The following RARB variants were observed in gnomAD, a reference collection of about 807,000 sequenced individuals.
RARB encodes the protein HBV-activated protein.
A neutral mutation model predicts 51.9 loss-of-function variants in RARB; 17 were observed. The ratio of observed to expected loss-of-function variants is 0.33; its 90% CI spans 0.22 to 0.49. RARB has a LOEUF of 0.49. Ranked by LOEUF, RARB falls within the 20% of genes least tolerant of loss-of-function variation. The probability of loss-of-function intolerance (pLI) is 0.99; values close to 1 mark genes in which losing one functional copy is unlikely to be tolerated. For synonymous variants in RARB, 215 were observed against 195.4 expected (o/e 1.10, Z -0.84); for missense variants, 369 against 550.8 (o/e 0.67, Z 3.30).
intron 2 of RARB, among the ~76,000 whole-genome samples, chr3:25,039,186 T>G (rs1376390234): frequency 1.3e-5 from 2 of 152,194 alleles, no homozygotes; most frequent in Admixed American, 1.3e-4. Context: ...ACACTCTGCA[T>G]TTGATTAGAG....
At chr3:24,873,792 T>C (rs9854078) in intron 2 of RARB, among the ~76,000 whole-genome samples, 111,467 of 151,720 alleles carry the variant, frequency 0.73, 42,005 homozygotes, top group African/African-American at 0.89. Context: ...ATTTTTATAT[T>C]TTTGATACCT....
intron 2 of RARB, among the ~76,000 whole-genome samples, chr3:24,865,179 T>C (rs1221726733): frequency 1.3e-5 from 2 of 152,194 alleles, no homozygotes; most frequent in Non-Finnish European, 2.9e-5. Context: ...CACAGTATTA[T>C]ATGCATGAAC....
chr3:24,853,271 C>A (rs1416929747), intron 1 of RARB, among the ~76,000 whole-genome samples: 1 of 152,054 alleles, frequency 6.6e-6, no homozygotes, highest in East Asian at 1.9e-4. Flanking sequence ...GAGCCCAGAT[C>A]GCGCCACTGC....
chr3:25,594,605 A>G lies in RARB; in HGVS notation c.1077A>G (p.Arg359=), dbSNP rs1260594651. 5.0e-6 allele frequency: 8 copies of G among 1,613,782 alleles called. No individual in the cohort carries two copies. The highest frequency in any genetic ancestry group is 1.3e-5 in the African/African-American group (1 of 74,892). The change falls in exon 7 of 8, where the codon AGA becomes AGG. Residue 359 remains arginine, a synonymous_variant. Transcript: ENST00000330688. ...CACTAAAAATTTATATCAGAAAAAG[A>G]CGACCCAGCAAGCCTCACATGTTTC... is the stretch of plus-strand genomic sequence containing the variant. The part of the protein sequence containing the change: ...LEALKIYIRK[R]RPSKPHMFPK...
At chr3:25,211,150 T>C (rs1436244) in intron 5 of RARB, among the ~76,000 whole-genome samples, 122,558 of 152,114 alleles carry the variant, frequency 0.81, 49,550 homozygotes, top group Admixed American at 0.85. Context: ...ATTATTGATG[T>C]TGAAAATATG....
intron 5 of RARB, among the ~76,000 whole-genome samples, chr3:25,310,512 C>G (rs1371225721): frequency 6.6e-6 from 1 of 152,170 alleles, no homozygotes; most frequent in Non-Finnish European, 1.5e-5. Flanking sequence ...CCACATGAGA[C>G]CTGGACCTCT....
intron 5 of RARB, among the ~76,000 whole-genome samples, chr3:25,586,314 G>A (rs1701385951): frequency 6.6e-6 from 1 of 152,110 alleles, no homozygotes; most frequent in Non-Finnish European, 1.5e-5. Flanking sequence ...TTAAGGCATA[G>A]CGTAATGACA....
intron 2 of RARB, among the ~76,000 whole-genome samples, chr3:25,054,728 G>A (rs1194773938): frequency 6.6e-6 from 1 of 152,092 alleles, no homozygotes; most frequent in Non-Finnish European, 1.5e-5. Flanking sequence ...AGCACAAACT[G>A]TGTCTACCTA....
intron 2 of RARB, among the ~76,000 whole-genome samples, chr3:24,971,796 C>T (rs992388750): frequency 6.6e-6 from 1 of 151,816 alleles, no homozygotes; most frequent in Non-Finnish European, 1.5e-5. Context: ...ATCCTATAAT[C>T]CTTCTATGTT....
chr3:25,511,801 A>C (rs1286750), intron 3 of RARB, among the ~76,000 whole-genome samples: 71,503 of 152,038 alleles, frequency 0.47, 21,476 homozygotes, highest in African/African-American at 0.85. Context: ...CTCTGTGCAC[A>C]ACTTGAGGAT....
intron 2 of RARB, among the ~76,000 whole-genome samples, chr3:24,938,662 T>A (rs577956522): frequency 6.6e-6 from 1 of 152,154 alleles, no homozygotes; most frequent in Non-Finnish European, 1.5e-5. Context: ...ATCACCACTG[T>A]CCATTTATAA....
chr3:24,872,092 A>G (rs570124772), intron 2 of RARB, among the ~76,000 whole-genome samples: 16 of 152,262 alleles, frequency 1.1e-4, no homozygotes, highest in Middle Eastern at 3.4e-3. Flanking sequence ...AAGTCCTCGA[A>G]TGATTCCCCA....
intron 5 of RARB, among the ~76,000 whole-genome samples, chr3:25,334,156 G>A (rs1414400058): frequency 6.6e-6 from 1 of 152,196 alleles, no homozygotes; most frequent in Non-Finnish European, 1.5e-5. Context: ...AATACCATTT[G>A]ACCCAGTCAT....
chr3:24,834,719 T>C (rs1434414299), intron 1 of RARB, among the ~76,000 whole-genome samples: 1 of 152,154 alleles, frequency 6.6e-6, no homozygotes, highest in Non-Finnish European at 1.5e-5. Flanking sequence ...AAAATCTAAG[T>C]CTCAATTTTC....
chr3:25,196,949 T>C (rs1701256359), intron 5 of RARB, among the ~76,000 whole-genome samples: 1 of 152,112 alleles, frequency 6.6e-6, no homozygotes, highest in Non-Finnish European at 1.5e-5. Context: ...TTAAGTTCTT[T>C]GTAGATTCTG....
chr3:25,468,094 C>T (rs1462856023), intron 2 of RARB, among the ~76,000 whole-genome samples: 1 of 152,184 alleles, frequency 6.6e-6, no homozygotes, highest in East Asian at 1.9e-4. Context: ...AGAAACCAAA[C>T]ACTTGGATTC....
chr3:25,145,812 A>G (rs975457376), intron 4 of RARB, among the ~76,000 whole-genome samples: 2 of 147,788 alleles, frequency 1.4e-5, no homozygotes, highest in East Asian at 2.0e-4. Context: ...CCTGGCCAAC[A>G]TGGTAAAACC....
chr3:25,569,140 C>G (rs73820521), intron 3 of RARB, among the ~76,000 whole-genome samples: 267 of 152,322 alleles, frequency 1.8e-3, no homozygotes, highest in African/African-American at 6.2e-3. Context: ...AGATTTCATA[C>G]TGTATCAATT....
intron 4 of RARB, among the ~76,000 whole-genome samples, chr3:25,135,607 C>G (rs756922997): frequency 6.6e-6 from 1 of 151,834 alleles, no homozygotes; most frequent in Admixed American, 6.6e-5. Flanking sequence ...CAGTTGCGTG[C>G]AACATAGCCA....
Sources: allele counts gnomAD v4.1 joint callset (sites outside exome capture counted in the v4.1 genomes callset), GRCh38; gene constraint gnomAD v4.1.1; transcripts MANE v1.5; gene names NCBI Gene and HGNC (gene_info 2026-07-23, HGNC 2026-07-21).